The following GPHN variants were observed in gnomAD, a reference collection of about 807,000 sequenced individuals.
The protein encoded by GPHN is gephyrin.
A neutral mutation model predicts 95.5 loss-of-function variants in GPHN; 17 were observed. The ratio of observed to expected loss-of-function variants is 0.18; its 90% CI spans 0.12 to 0.27. The LOEUF is 0.27. Among genes scored for constraint, GPHN ranks in the 10% least tolerant of loss-of-function variants. GPHN has a pLI of 1.00. For synonymous variants in GPHN, 320 were observed against 322.5 expected, an observed-to-expected ratio of 0.99 and a Z score of 0.08; for missense variants, 660 against 978.1, an observed-to-expected ratio of 0.67 and a Z score of 4.34.
At chr14:67,521,780 A>G in the GPHN span, among the ~76,000 whole-genome samples, 1 of 152,236 alleles carries the variant, frequency 6.6e-6, no homozygotes, top group Admixed American at 6.5e-5. Context: ...AAAAGAAATC[A>G]AAGTGAGAAT....
At chr14:67,465,083 A>G in the GPHN span, among the ~76,000 whole-genome samples, 2 of 152,230 alleles carry the variant, frequency 1.3e-5, no homozygotes, top group Admixed American at 1.3e-4. Context: ...AGGTGAATGG[A>G]TGACCAAAGT....
the GPHN span, among the ~76,000 whole-genome samples, chr14:67,552,422 A>G: frequency 2.6e-5 from 4 of 152,260 alleles, no homozygotes; most frequent in Admixed American, 6.5e-5. Flanking sequence ...GAATACTGCA[A>G]CATAAAAGTG....
At chr14:67,488,128 A>G in the GPHN span, among the ~76,000 whole-genome samples, 1 of 152,218 alleles carries the variant, frequency 6.6e-6, no homozygotes, top group African/African-American at 2.4e-5. Context: ...TGAGAACAGT[A>G]TGTGGCTGGG....
At chr14:67,576,592 C>A in the GPHN span, 2 of 676,854 alleles carry the variant, frequency 3.0e-6, no homozygotes, top group East Asian at 2.7e-5. This position sits in a 1 kb window ranked among gnomAD's most constrained non-coding sequence, Gnocchi z 4.0. Context: ...AGTGTTGTAC[C>A]CTGAAGCTGT....
the GPHN span, among the ~76,000 whole-genome samples, chr14:67,262,148 G>A: frequency 6.6e-6 from 1 of 152,080 alleles, no homozygotes; most frequent in African/African-American, 2.4e-5. Flanking sequence ...CAGGGCAATT[G>A]TAGAGATCAA....
rs758149161 is a variant in GPHN, at chr14:67,159,519, G to T, written c.1910+31G>T. The T allele has an allele frequency of 7.4e-5, 99 of 1,345,212 alleles. 1 individual carries two copies. In the Admixed American group the frequency reaches 1.6e-3, roughly 22 times the overall value. 83.3% of individuals were successfully genotyped at this position (1,345,212 alleles called of 1,614,324 possible). A position where few individuals can be genotyped will look rare whatever the true frequency, so the allele number is the denominator to read the frequency against. ...AAAATCATCTTGTTATCTCATATAT[G>T]GGGTTGGTTTGGCTTGCTTTAACTA... is the stretch of plus-strand genomic sequence containing the variant. On this transcript the variant is annotated intron_variant, in intron 19 of 22. Transcript: ENST00000478722.
intron 9 of GPHN, among the ~76,000 whole-genome samples, chr14:66,971,877 T>C (rs1304632700): frequency 6.6e-6 from 1 of 152,190 alleles, no homozygotes; most frequent in East Asian, 1.9e-4. Flanking sequence ...TTCATTAATA[T>C]AATCACCAAG....
intron 2 of GPHN, among the ~76,000 whole-genome samples, chr14:66,768,475 T>C (rs2059044392): frequency 6.6e-6 from 1 of 152,014 alleles, no homozygotes; most frequent in Non-Finnish European, 1.5e-5. Context: ...GCTGACACTA[T>C]TCCTGACTTT....
chr14:66,835,490 TACTG>T (rs2061761570), intron 4 of GPHN, among the ~76,000 whole-genome samples: 1 of 151,826 alleles, frequency 6.6e-6, no homozygotes. Context: ...GCCAATATCA[TACTG>T]AATGGGCAAA....
chr14:67,035,859 A>T (rs901150682), intron 10 of GPHN, among the ~76,000 whole-genome samples: 2 of 151,970 alleles, frequency 1.3e-5, no homozygotes, highest in Non-Finnish European at 2.9e-5. Context: ...TTCTTCTCAA[A>T]ATATTCCAAA....
intron 16 of GPHN, among the ~76,000 whole-genome samples, chr14:67,119,344 C>T (rs1237504828): frequency 1.3e-5 from 2 of 152,162 alleles, no homozygotes; most frequent in Non-Finnish European, 2.9e-5. Context: ...AAGGCTTTCA[C>T]AGAAATTCAG....
intron 17 of GPHN, among the ~76,000 whole-genome samples, chr14:67,134,133 G>GA: frequency 1.3e-5 from 2 of 152,298 alleles, no homozygotes; most frequent in Admixed American, 1.3e-4. Context: ...AGCTAGTCCA[G>GA]ACTTTCACCC....
chr14:66,635,580 C>T (rs568009287), intron 1 of GPHN, among the ~76,000 whole-genome samples: 3 of 152,256 alleles, frequency 2.0e-5, no homozygotes, highest in African/African-American at 7.2e-5. Flanking sequence ...ATAATCCACA[C>T]TACTGTCTCT....
chr14:67,535,370 C>CTTTT, the GPHN span, among the ~76,000 whole-genome samples: 261 of 74,230 alleles, frequency 3.5e-3, 45 homozygotes, highest in African/African-American at 0.011. Context: ...GTGAGCACAT[C>CTTTT]TTTTTTTTTT....
At chr14:66,663,521 C>T (rs889394717) in intron 1 of GPHN, among the ~76,000 whole-genome samples, 21 of 152,204 alleles carry the variant, frequency 1.4e-4, no homozygotes, top group African/African-American at 4.8e-4. Context: ...ACTACAAAAG[C>T]ACACTGGAGT....
chr14:67,434,967 TCTC>T, the GPHN span, among the ~76,000 whole-genome samples: 1 of 142,760 alleles, frequency 7.0e-6, no homozygotes, highest in African/African-American at 2.9e-5. Flanking sequence ...CTCTTCTCTC[TCTC>T]TTTTTTTTTT....
chr14:66,605,495 C>G (rs2062478189), intron 1 of GPHN, among the ~76,000 whole-genome samples: 1 of 143,900 alleles, frequency 6.9e-6, no homozygotes, highest in South Asian at 2.2e-4. Flanking sequence ...CTTACAATGT[C>G]TTCTTTTGAT....
intron 11 of GPHN, among the ~76,000 whole-genome samples, chr14:67,075,937 A>C (rs561578393): frequency 6.6e-6 from 1 of 152,230 alleles, no homozygotes; most frequent in Admixed American, 6.5e-5. Flanking sequence ...AGAATATTAC[A>C]TAAACTTAGT....
chr14:67,683,558 C>T, the GPHN span, among the ~76,000 whole-genome samples: 1 of 152,306 alleles, frequency 6.6e-6, no homozygotes, highest in African/African-American at 2.4e-5. Context: ...ACCTTTTCCC[C>T]TCAATATAGT....
Sources: gnomAD v4.1 joint callset for allele counts (sites outside exome capture counted in the v4.1 genomes callset) on GRCh38, gnomAD v4.1.1 for gene constraint, Gnocchi (gnomAD v3.1) non-coding constraint, MANE v1.5 for transcripts, NCBI Gene and HGNC (gene_info 2026-07-23, HGNC 2026-07-21) for gene names.